The following NBEA variants were observed in gnomAD, a reference collection of about 807,000 sequenced individuals.
NBEA encodes lysosomal-trafficking regulator 2.
A neutral mutation model predicts 343.4 loss-of-function variants in NBEA; 44 were observed. That is an observed-to-expected ratio of 0.13 (90% CI 0.10 to 0.16). The LOEUF (loss-of-function observed/expected upper bound fraction) is 0.16, where lower values mean the gene tolerates loss of function less well. Among genes scored for constraint, NBEA ranks in the 10% least tolerant of loss-of-function variants. The pLI, the probability that NBEA is intolerant of heterozygous loss-of-function variation, is 1.00. For synonymous variants in NBEA, 1,175 were observed against 1,238.7 expected, an observed-to-expected ratio of 0.95 and a Z score of 1.08; for missense variants, 2,555 against 3,631.3, an observed-to-expected ratio of 0.70 and a Z score of 7.62.
chr13:35,014,740 C>G (rs1351555755), intron 1 of NBEA, among the ~76,000 whole-genome samples: 1 of 150,536 alleles, frequency 6.6e-6, no homozygotes, highest in Non-Finnish European at 1.5e-5. Flanking sequence ...GAGCAGACAC[C>G]AGACAAACAG....
intron 1 of NBEA, among the ~76,000 whole-genome samples, chr13:34,982,196 C>T (rs989715778): frequency 6.6e-6 from 1 of 152,036 alleles, no homozygotes; most frequent in African/African-American, 2.4e-5. Flanking sequence ...TGTATAACTT[C>T]CTCTAGGCAC....
chr13:35,136,556 A>G (rs2067739860), intron 17 of NBEA, among the ~76,000 whole-genome samples: 1 of 152,194 alleles, frequency 6.6e-6, no homozygotes, highest in African/African-American at 2.4e-5. Flanking sequence ...ATAGTATTTA[A>G]ATAAAAGTTT....
chr13:35,460,184 T>G (rs765885240), intron 40 of NBEA, among the ~76,000 whole-genome samples: 4 of 152,218 alleles, frequency 2.6e-5, no homozygotes, highest in Non-Finnish European at 4.4e-5. Flanking sequence ...TTCCCCGTAT[T>G]TTTTAAACCC....
In NBEA at chr13:35,415,107, A is replaced by G. The variant is rs1594547090; in HGVS notation, c.6180-17162A>G. ...TTGTTTTTGTCTTGTAAATTTGTTTAAGTTCTTTGTAGATTCTGGATATTA... is the reference window on the plus strand; with the variant it reads ...TTGTTTTTGTCTTGTAAATTTGTTTGAGTTCTTTGTAGATTCTGGATATTA... On this transcript the variant is annotated intron_variant, in intron 38 of 58. Transcript: ENST00000379939. Among the ~76,000 whole-genome samples, 4 of 151,922 alleles carry G rather than the reference A, an allele frequency of 2.6e-5. No homozygotes were observed. The South Asian group carries it at 6.2e-4, about 24-fold the overall frequency.
At chr13:35,357,664 G>A (rs2040568282) in intron 38 of NBEA, among the ~76,000 whole-genome samples, 1 of 152,086 alleles carries the variant, frequency 6.6e-6, no homozygotes, top group African/African-American at 2.4e-5. Flanking sequence ...ATTCCATCAT[G>A]TATATGTACC....
At chr13:34,994,621 AAAATCCTACC>A (rs2060877110) in intron 1 of NBEA, among the ~76,000 whole-genome samples, 1 of 152,170 alleles carries the variant, frequency 6.6e-6, no homozygotes, top group African/African-American at 2.4e-5. Context: ...GAATATGGAG[AAAATCCTACC>A]TTTACTGTTG....
At chr13:35,092,051 C>T (rs544795272) in intron 10 of NBEA, among the ~76,000 whole-genome samples, 4 of 151,858 alleles carry the variant, frequency 2.6e-5, no homozygotes, top group East Asian at 1.9e-4. Flanking sequence ...TAATGAAGAC[C>T]GAGTAATATT....
intron 1 of NBEA, among the ~76,000 whole-genome samples, chr13:34,944,014 A>G (rs759783428): frequency 1.3e-5 from 2 of 152,212 alleles, no homozygotes; most frequent in South Asian, 2.1e-4. Flanking sequence ...AGAATCATAC[A>G]TTGAGGATAA....
chr13:35,663,851 T>C (rs1319042150), intron 55 of NBEA, among the ~76,000 whole-genome samples: 1 of 152,208 alleles, frequency 6.6e-6, no homozygotes, highest in Non-Finnish European at 1.5e-5. Context: ...CAAACTAGCA[T>C]GAGCTGCTGT....
intron 1 of NBEA, among the ~76,000 whole-genome samples, chr13:34,994,650 C>T (rs1227502263): frequency 6.6e-6 from 1 of 152,062 alleles, no homozygotes; most frequent in East Asian, 1.9e-4. Context: ...TGTGTATGAG[C>T]AATAAAACTC....
chr13:35,005,803 A>T (rs1288414455), intron 1 of NBEA, among the ~76,000 whole-genome samples: 1 of 152,198 alleles, frequency 6.6e-6, no homozygotes, highest in African/African-American at 2.4e-5. Flanking sequence ...TAGGCAAAAG[A>T]CAGAGATTAG....
At chr13:35,627,370 C>G (rs774534011) in intron 48 of NBEA, among the ~76,000 whole-genome samples, 1 of 152,140 alleles carries the variant, frequency 6.6e-6, no homozygotes, top group Non-Finnish European at 1.5e-5. Context: ...CGGACCTGAG[C>G]AAGACTCCCT....
chr13:35,594,132 A>AT (rs920579303), intron 47 of NBEA, among the ~76,000 whole-genome samples: 6 of 151,930 alleles, frequency 3.9e-5, no homozygotes, highest in Admixed American at 6.6e-5. Context: ...CATTTGTCTC[A>AT]TTTTTTTTCC....
chr13:35,232,916 T>A (rs1186410223), intron 34 of NBEA, among the ~76,000 whole-genome samples: 2 of 152,118 alleles, frequency 1.3e-5, no homozygotes, highest in Non-Finnish European at 2.9e-5. Context: ...GTCATTAAGA[T>A]AACCTGTTTA....
intron 31 of NBEA, among the ~76,000 whole-genome samples, chr13:35,200,341 T>G (rs1050526099): frequency 6.6e-6 from 1 of 151,662 alleles, no homozygotes; most frequent in Non-Finnish European, 1.5e-5. Flanking sequence ...AAATTTAATC[T>G]TATATATCTG....
At chr13:35,403,681 G>C (rs1403794603) in intron 38 of NBEA, among the ~76,000 whole-genome samples, 1 of 151,914 alleles carries the variant, frequency 6.6e-6, no homozygotes, top group South Asian at 2.1e-4. Flanking sequence ...TTACCATTCA[G>C]GACATAGGCA....
intron 18 of NBEA, among the ~76,000 whole-genome samples, chr13:35,149,317 A>G (rs536442188): frequency 6.6e-6 from 1 of 152,212 alleles, no homozygotes; most frequent in East Asian, 1.9e-4. Context: ...TTTATTGGGC[A>G]CTTCTTATGA....
chr13:35,661,102 T>G (rs910634199), intron 55 of NBEA, among the ~76,000 whole-genome samples: 4 of 152,142 alleles, frequency 2.6e-5, no homozygotes, highest in African/African-American at 9.7e-5. Flanking sequence ...TTTCCTTTCC[T>G]TTTATGGGAC....
chr13:35,368,134 G>T (rs150004189), intron 38 of NBEA, among the ~76,000 whole-genome samples: 11 of 151,512 alleles, frequency 7.3e-5, no homozygotes, highest in African/African-American at 2.7e-4. Context: ...ACCTACTTTA[G>T]TTTAAAGTAA....
Sources: allele counts gnomAD v4.1 joint callset (sites outside exome capture counted in the v4.1 genomes callset), GRCh38; gene constraint gnomAD v4.1.1; transcripts MANE v1.5; gene names NCBI Gene and HGNC (gene_info 2026-07-23, HGNC 2026-07-21).